Variants in ARID3A observed in about 807,000 individuals in gnomAD.
ARID3A encodes the protein AT-rich interaction domain 3A.
Under a neutral mutation model 52.7 loss-of-function variants are expected in ARID3A, and 11 were observed. That is an observed-to-expected ratio of 0.21 (90% CI 0.13 to 0.35). The LOEUF (loss-of-function observed/expected upper bound fraction) is 0.35. Ranked by LOEUF, ARID3A falls within the 10% of genes least tolerant of loss-of-function variation. ARID3A has a pLI of 1.00. For missense variants in ARID3A, 721 were observed against 838.5 expected, an observed-to-expected ratio of 0.86 and a Z score of 1.73; for synonymous variants, 404 against 359.4, an observed-to-expected ratio of 1.12 and a Z score of -1.40.
Position 971,939 on chromosome 19 carries a change from C to T in ARID3A, c.1656C>T (p.Gly552=), listed in dbSNP as rs535674511. The T allele has an allele frequency of 4.5e-5, 72 of 1,596,558 alleles. No individual in the cohort carries two copies. Among genetic ancestry groups the T allele is most frequent in the East Asian group, 4.4e-4 (19 of 43,232 alleles). Residue 552 remains glycine, a synonymous_variant, in exon 9 of 9, where the codon GGC becomes GGT. Coordinates refer to ENST00000263620, the MANE Select transcript of ARID3A (RefSeq NM_005224.3). ...TPTSAPNKGG[G]GGGGSSSNAG... ...CCTCTGCTCCCAACAAAGGAGGCGG[C>T]GGCGGCGGCGGCAGCAGCAGCAACG... is the stretch of plus-strand genomic sequence containing the variant.
At chr19:936,159 G>A (rs970254791) in intron 3 of ARID3A, among the ~76,000 whole-genome samples, 7 of 152,238 alleles carry the variant, frequency 4.6e-5, no homozygotes, top group Non-Finnish European at 7.3e-5. Context: ...TGAACCTTTA[G>A]TCTCAACAAT....
rs112329539 is a variant in ARID3A, at chr19:939,388, A to G, written c.693+6646A>G. 6.0e-3 allele frequency among the ~76,000 whole-genome samples: 916 copies of G among 152,142 alleles called. 7 individuals are homozygous for G. The highest frequency in any genetic ancestry group is 0.021 in the African/African-American group (868 of 41,512). On this transcript the variant is annotated intron_variant, in intron 3 of 8. Coordinates refer to ENST00000263620, the MANE Select transcript of ARID3A (RefSeq NM_005224.3). ...CGCCTCGGCCTCCCAGAGTGCTGGG[A>G]TGACAGGCCTGAGCCACCGCGCCCG...
rs138218751 is a variant in ARID3A, at chr19:931,187, G to A, written c.369-1231G>A. 6.1e-3 allele frequency among the ~76,000 whole-genome samples: 922 copies of A among 152,156 alleles called. 15 individuals are homozygous for A. The highest frequency in any genetic ancestry group is 7.4e-3 in the Non-Finnish European group (502 of 68,000). On this transcript the variant is annotated intron_variant, in intron 2 of 8. Coordinates refer to ENST00000263620, the MANE Select transcript of ARID3A (RefSeq NM_005224.3). The stretch of plus-strand genomic sequence containing the variant: ...CATGCATCTGTGGTCCCAGCTACTC[G>A]AGAGGCCGAGGCGGAAGGACTGCTT...
At position 975,137 on chromosome 19, in the gene ARID3A, C is replaced by G. The variant is rs933680474; in HGVS notation, c.*3072C>G. 3.9e-5 allele frequency: 9 copies of G among 230,534 alleles called. No individual in the cohort carries two copies. The highest frequency in any genetic ancestry group is 1.7e-4 in the Admixed American group (3 of 17,574). 14.3% of individuals were successfully genotyped at this position (230,534 alleles called of 1,614,324 possible). A position where few individuals can be genotyped will look rare whatever the true frequency, so the allele number is the denominator to read the frequency against. ...TCTGGGGTGCAGCTCAGCACCCCCC[C>G]TTATGCAGACTGGGAGGGGGTCGGG... On this transcript the variant is annotated 3_prime_UTR_variant, in exon 9 of 9. Transcript: ENST00000263620.
Position 968,460 on chromosome 19 carries a change from C to T in ARID3A, c.1551C>T (p.Asn517=), listed in dbSNP as rs1022065150. 1.2e-6 allele frequency: 2 copies of T among 1,614,098 alleles called. No homozygotes were observed. Among genetic ancestry groups the T allele is most frequent in the South Asian group, 1.1e-5 (1 of 91,088 alleles). ...ACCTGACGGGCACCAACGGCAGCAA[C>T]AGCATCAGCATGTCGGTGGAGATCA... The part of the protein sequence containing the change: ...AVNLTGTNGS[N]SISMSVEING... The change falls in exon 8 of 9, where the codon AAC becomes AAT. Residue 517 remains asparagine (N), a synonymous_variant. Coordinates refer to ENST00000263620, the MANE Select transcript of ARID3A (RefSeq NM_005224.3).
intron 3 of ARID3A, among the ~76,000 whole-genome samples, chr19:953,551 A>AGTGTGT (rs1466740526): frequency 6.6e-6 from 1 of 151,834 alleles, no homozygotes; most frequent in Non-Finnish European, 1.5e-5. Flanking sequence ...AGAGCCACGG[A>AGTGTGT]GTGTGTCTTG....
In ARID3A at chr19:960,679, T is replaced by A. The variant is rs2038022196; in HGVS notation, c.766+515T>A. ...CCCCTCCCCTCTTCCCACCAGGGCC[T>A]CAGTTTCCCCATCTGTAAAAACGGG... On this transcript the variant is annotated intron_variant, in intron 4 of 8. Transcript: ENST00000263620. The surrounding 1 kb of genome is among the most constrained non-coding windows in gnomAD (Gnocchi z 4.3). 6.6e-6 allele frequency among the ~76,000 whole-genome samples: 1 copy of A among 151,982 alleles called. No homozygotes were observed. Among genetic ancestry groups the A allele is most frequent in the Admixed American group, 6.6e-5 (1 of 15,260 alleles).
At chr19:965,222 C>T (rs1290352873) in intron 6 of ARID3A, 142 bp downstream of exon 6, 1 of 980,194 alleles carries the variant, frequency 1.0e-6, no homozygotes, top group African/African-American at 1.6e-5. Flanking sequence ...TTCCAATCTA[C>T]CAGTCCTCTG....
chr19:946,369 C>G (rs1247011408), intron 3 of ARID3A, among the ~76,000 whole-genome samples: 1 of 145,064 alleles, frequency 6.9e-6, no homozygotes, highest in Admixed American at 6.9e-5. Flanking sequence ...TCAAGCGATT[C>G]TCCTGCCTTA....
At chr19:943,323 C>G (rs2037597266) in intron 3 of ARID3A, among the ~76,000 whole-genome samples, 1 of 150,478 alleles carries the variant, frequency 6.6e-6, no homozygotes, top group African/African-American at 2.4e-5. Context: ...AATCCCAGCA[C>G]TTTGGGAGGC....
At chr19:966,462 A>G (rs1343333450) in intron 6 of ARID3A, 110 bp from the exon 7 acceptor site, 1 of 851,528 alleles carries the variant, frequency 1.2e-6, no homozygotes, top group Non-Finnish European at 1.6e-6. Flanking sequence ...CCGTCTCAAA[A>G]AAAAAAAAAA....
Position 929,648 on chromosome 19 carries a change from G to T in ARID3A, c.120G>T (p.Arg40=), listed in dbSNP as rs769844957. Residue 40 remains arginine, a synonymous_variant, in exon 2 of 9, where the codon CGG becomes CGT. Coordinates refer to ENST00000263620, the MANE Select transcript of ARID3A (RefSeq NM_005224.3). The surrounding 1 kb of genome is among the most constrained non-coding windows in gnomAD (Gnocchi z 6.2). ...CTGCTGCACCCCCCGGCCGGGCCCGGGCTGCCCCCGACGAGGACAGAGAGC... is the reference window on the plus strand; with the variant it reads ...CTGCTGCACCCCCCGGCCGGGCCCGTGCTGCCCCCGACGAGGACAGAGAGC... ...DPPAAPPGRA[R]AAPDEDREPE... The T allele has an allele frequency of 6.5e-7, 1 of 1,536,108 alleles. No individual in the cohort carries two copies. The highest frequency in any genetic ancestry group is 1.2e-5 in the South Asian group (1 of 84,150).
chr19:973,140 C>CTTTTT lies in ARID3A; in HGVS notation c.*1076_*1077insTTTTT, dbSNP rs1555732929. 5 of 20,658 alleles carry CTTTTT rather than the reference C, an allele frequency of 2.4e-4. No homozygotes were observed. Among genetic ancestry groups the CTTTTT allele is most frequent in the East Asian group, 6.2e-4 (1 of 1,610 alleles). The allele number at this position is 20,658 out of a possible 1,614,324, so 1.3% of individuals were successfully genotyped here. On this transcript the variant is annotated 3_prime_UTR_variant, in exon 9 of 9. Transcript: ENST00000263620. ...TTTTTTTTTTTGAGACGGAGTTTTG[C>CTTTTT]TCTTGTCGCCCAGGCTGGAGTGAGT...
At chr19:967,254 A>G (rs2038179893) in intron 7 of ARID3A, among the ~76,000 whole-genome samples, 2 of 151,902 alleles carry the variant, frequency 1.3e-5, no homozygotes, top group Non-Finnish European at 2.9e-5. Context: ...GCAAAACTCC[A>G]TCTCAAAAAA....
chr19:948,054 T>G (rs1479336048), intron 3 of ARID3A, among the ~76,000 whole-genome samples: 1 of 152,096 alleles, frequency 6.6e-6, no homozygotes, highest in African/African-American at 2.4e-5. Context: ...AGACGCTAGC[T>G]AAGTAAGCGC....
At position 975,318 on chromosome 19, in the gene ARID3A, G is replaced by A. The variant is rs371210093; in HGVS notation, c.*3253G>A. ...AAAGGCGGCTTCTGGAACCTTCCGTGGGACCCGTAAGTGGCTGTCCAGAAA... is the reference window on the plus strand; with the variant it reads ...AAAGGCGGCTTCTGGAACCTTCCGTAGGACCCGTAAGTGGCTGTCCAGAAA... On this transcript the variant is annotated 3_prime_UTR_variant, in exon 9 of 9. Coordinates refer to ENST00000263620, the MANE Select transcript of ARID3A (RefSeq NM_005224.3). The A allele has an allele frequency of 1.3e-5, 3 of 232,132 alleles. No homozygotes were observed. The highest frequency in any genetic ancestry group is 1.7e-5 in the Non-Finnish European group (2 of 117,444). 14.4% of individuals were successfully genotyped at this position (232,132 alleles called of 1,614,324 possible).
chr19:952,056 G>T (rs961105952), intron 3 of ARID3A, among the ~76,000 whole-genome samples: 1 of 151,986 alleles, frequency 6.6e-6, no homozygotes, highest in African/African-American at 2.4e-5. Flanking sequence ...CAGGAGAATC[G>T]TTTGAACCCG....
In ARID3A at chr19:966,750, G is replaced by A. The variant is rs752144558; in HGVS notation, c.1377G>A (p.Pro459=). The A allele has an allele frequency of 2.2e-5, 35 of 1,613,032 alleles. No homozygotes were observed. The highest frequency in any genetic ancestry group is 8.3e-5 in the Admixed American group (5 of 59,956). The change falls in exon 7 of 9, where the codon CCG becomes CCA. Residue 459 remains proline, a synonymous_variant. Coordinates refer to ENST00000263620, the MANE Select transcript of ARID3A (RefSeq NM_005224.3). ...AGAAGCTGGAGTCTGCAGAGCCTCC[G>A]GAGAAGAAGATGGCCCTGGTGGCCG... ...LREKLESAEP[P]EKKMALVADE... is the part of the protein sequence containing the mutation.
chr19:937,518 C>T (rs984118934), intron 3 of ARID3A, among the ~76,000 whole-genome samples: 4 of 151,932 alleles, frequency 2.6e-5, no homozygotes, highest in South Asian at 2.1e-4. Flanking sequence ...TTTATGTGGG[C>T]GTACGTTTGT....
Sources: allele counts gnomAD v4.1 joint callset (sites outside exome capture counted in the v4.1 genomes callset), GRCh38; gene constraint gnomAD v4.1.1; non-coding constraint Gnocchi (gnomAD v3.1); transcripts MANE v1.5; gene names NCBI Gene and HGNC (gene_info 2026-07-23, HGNC 2026-07-21).